NEK1: variants seen among roughly 807,000 people sequenced by gnomAD.
NEK1 encodes NIMA related kinase 1.
In NEK1, 137 loss-of-function variants were observed where a neutral mutation model predicts 182.1. The ratio of observed to expected loss-of-function variants is 0.75; its 90% CI spans 0.65 to 0.87. NEK1 has a LOEUF of 0.87. Among genes scored for constraint, NEK1 ranks in the 40% least tolerant of loss-of-function variants. NEK1 has a pLI of 0.00. For missense variants in NEK1, 1,391 were observed against 1,494.4 expected, an observed-to-expected ratio of 0.93 and a Z score of 1.14; for synonymous variants, 513 against 492.2, an observed-to-expected ratio of 1.04 and a Z score of -0.56.
intron 12 of NEK1, among the ~76,000 whole-genome samples, chr4:169,569,200 G>T (rs13328016): frequency 0.29 from 43,315 of 151,940 alleles, 8,845 homozygotes; most frequent in African/African-American, 0.58. Context: ...TAGATATGTA[G>T]GTACAGAATC....
chr4:169,420,159 A>G (rs1302143883), intron 31 of NEK1, among the ~76,000 whole-genome samples: 1 of 152,206 alleles, frequency 6.6e-6, no homozygotes, highest in African/African-American at 2.4e-5. Context: ...GCCTATGCCT[A>G]CAGAGGGTCA....
Position 169,597,806 on chromosome 4 carries a change from C to T in NEK1, c.312+1294G>A, listed in dbSNP as rs1301569895. Among the ~76,000 whole-genome samples, 5 of 151,922 alleles carry T rather than the reference C, an allele frequency of 3.3e-5. No individual in the cohort carries two copies. In the South Asian group the frequency reaches 6.2e-4, roughly 19 times the overall value. ...AAAATTAGCCAGGCGTGGTGGCAGG[C>T]GCCTGTAGTCCCAGCTACTCGGGAG... On this transcript the variant is annotated intron_variant, in intron 5 of 35. Coordinates refer to ENST00000507142, the MANE Select transcript of NEK1 (RefSeq NM_001199397.3).
In NEK1 at chr4:169,561,218, T is replaced by C. The variant is rs545948929; in HGVS notation, c.1266+262A>G. ...ATGAATTGTACATAATTTTTAAAAA[T>C]TCCTGACAGGAATAATGTTATCATA... is the stretch of plus-strand genomic sequence containing the variant. On this transcript the variant is annotated intron_variant, in intron 16 of 35. Transcript: ENST00000507142. Among the ~76,000 whole-genome samples the C allele has an allele frequency of 3.3e-5, 5 of 152,334 alleles. No homozygotes were observed. The South Asian group carries it at 1.0e-3, about 32-fold the overall frequency.
intron 12 of NEK1, among the ~76,000 whole-genome samples, chr4:169,565,555 G>A (rs1342669587): frequency 6.6e-6 from 1 of 152,140 alleles, no homozygotes; most frequent in Non-Finnish European, 1.5e-5. Flanking sequence ...AAACAGTGGG[G>A]AACATTACCC....
intron 19 of NEK1, among the ~76,000 whole-genome samples, chr4:169,536,285 A>G (rs1283441700): frequency 8.5e-5 from 12 of 140,670 alleles, no homozygotes; most frequent in African/African-American, 3.5e-4. Flanking sequence ...TGACAGAGTG[A>G]GAGTTTGTCT....
intron 18 of NEK1, chr4:169,555,088 T>C (rs1243495836): frequency 6.6e-6 from 1 of 152,384 alleles, no homozygotes; most frequent in Non-Finnish European, 1.5e-5. Context: ...GTCTGTAACC[T>C]TCCTTTCTCA....
At chr4:169,593,812 C>A (rs1185316855) in intron 5 of NEK1, among the ~76,000 whole-genome samples, 1 of 151,988 alleles carries the variant, frequency 6.6e-6, no homozygotes, top group Non-Finnish European at 1.5e-5. Flanking sequence ...CACGGTGAAA[C>A]CCCGTCTTTA....
At chr4:169,580,263 GA>G (rs1766397738) in intron 11 of NEK1, among the ~76,000 whole-genome samples, 2 of 152,000 alleles carry the variant, frequency 1.3e-5, no homozygotes, top group South Asian at 4.1e-4. Flanking sequence ...TTGGGAGGCC[GA>G]GGCGGGTGGA....
At chr4:169,574,344 C>T (rs892006379) in intron 12 of NEK1, among the ~76,000 whole-genome samples, 14 of 152,158 alleles carry the variant, frequency 9.2e-5, no homozygotes, top group African/African-American at 3.4e-4. Flanking sequence ...GCCCGTAATC[C>T]CAGCGCTTTG....
At chr4:169,463,449 C>T in intron 26 of NEK1, 54 bp from the exon 27 acceptor site, 2 of 1,296,932 alleles carry the variant, frequency 1.5e-6, no homozygotes, top group Non-Finnish European at 2.1e-6. Flanking sequence ...AATAATACTG[C>T]ATGGTAAGGC....
chr4:169,558,792 C>T (rs1163151221), intron 16 of NEK1, among the ~76,000 whole-genome samples: 2 of 152,040 alleles, frequency 1.3e-5, no homozygotes, highest in African/African-American at 2.4e-5. Context: ...TAATCAAAAA[C>T]ATTTACATTG....
chr4:169,593,181 CA>C (rs1196655464), intron 5 of NEK1, among the ~76,000 whole-genome samples: 2 of 151,736 alleles, frequency 1.3e-5, no homozygotes, highest in African/African-American at 4.8e-5. Flanking sequence ...GCTCAGAGAT[CA>C]GGGGTCAGCA....
chr4:169,494,991 G>C (rs544189274), intron 23 of NEK1, among the ~76,000 whole-genome samples: 19 of 152,146 alleles, frequency 1.2e-4, no homozygotes, highest in Non-Finnish European at 2.5e-4. Flanking sequence ...TGGATATTAG[G>C]CCTTTGTCAG....
At chr4:169,551,184 A>G (rs907811498) in intron 18 of NEK1, among the ~76,000 whole-genome samples, 4 of 152,196 alleles carry the variant, frequency 2.6e-5, no homozygotes, top group Admixed American at 6.5e-5. Context: ...TAAACTTTTT[A>G]TTACAAAAAA....
chr4:169,400,371 C>T lies in NEK1; in HGVS notation c.3715-14G>A. ...TTCATGAATAGCCTATACCAAATTC[C>T]CAAATATAAATTAATATTTGAATAA... On this transcript the variant is annotated splice_polypyrimidine_tract_variant and intron_variant, in intron 34 of 35. Coordinates refer to ENST00000507142, the MANE Select transcript of NEK1 (RefSeq NM_001199397.3). 6.8e-7 allele frequency: 1 copy of T among 1,462,334 alleles called. No individual in the cohort carries two copies. Among genetic ancestry groups the T allele is most frequent in the Non-Finnish European group, 9.1e-7 (1 of 1,094,562 alleles). 90.6% of individuals were successfully genotyped at this position (1,462,334 alleles called of 1,614,324 possible). A position where few individuals can be genotyped will look rare whatever the true frequency, so the allele number is the denominator to read the frequency against.
chr4:169,421,080 G>A (rs1045675483), intron 31 of NEK1, among the ~76,000 whole-genome samples: 1 of 152,112 alleles, frequency 6.6e-6, no homozygotes, highest in African/African-American at 2.4e-5. Context: ...CAGAGAAAAT[G>A]TTTCAGACAA....
At chr4:169,567,326 T>C (rs539751285) in intron 12 of NEK1, among the ~76,000 whole-genome samples, 88 of 152,256 alleles carry the variant, frequency 5.8e-4, no homozygotes, top group African/African-American at 2.0e-3. Context: ...ATTTTAACCA[T>C]TTTTAAGTGT....
At chr4:169,579,335 G>A (rs1159296759) in intron 11 of NEK1, among the ~76,000 whole-genome samples, 1 of 152,204 alleles carries the variant, frequency 6.6e-6, no homozygotes, top group Admixed American at 6.5e-5. Context: ...GGTATTTCCA[G>A]CTTTTGTGAC....
At chr4:169,433,102 C>T (rs1737738465) in intron 29 of NEK1, among the ~76,000 whole-genome samples, 2 of 152,170 alleles carry the variant, frequency 1.3e-5, no homozygotes, top group Non-Finnish European at 2.9e-5. Flanking sequence ...CTCTGTAGCC[C>T]AGGCTGGAGT....
Sources: allele counts gnomAD v4.1 joint callset (sites outside exome capture counted in the v4.1 genomes callset), GRCh38; gene constraint gnomAD v4.1.1; transcripts MANE v1.5; gene names NCBI Gene and HGNC (gene_info 2026-07-23, HGNC 2026-07-21).